Variants in TENT2 observed in about 807,000 individuals in gnomAD.
The protein encoded by TENT2 is terminal nucleotidyltransferase 2, also known as poly(A) RNA polymerase GLD2.
In TENT2, 44 loss-of-function variants were observed where a neutral mutation model predicts 72.2. That is an observed-to-expected ratio of 0.61 (90% confidence interval 0.48 to 0.78). The LOEUF (loss-of-function observed/expected upper bound fraction) is 0.78, where lower values mean the gene tolerates loss of function less well. Ranked by LOEUF, TENT2 falls within the 30% of genes least tolerant of loss-of-function variation. The pLI is 0.00. For synonymous variants in TENT2, 212 were observed against 192.5 expected (o/e 1.10, Z -0.84); for missense variants, 541 against 569.6 (o/e 0.95, Z 0.51).
intron 4 of TENT2, among the ~76,000 whole-genome samples, chr5:79,629,644 C>T (rs893943326): frequency 4.8e-5 from 7 of 146,850 alleles, no homozygotes; most frequent in East Asian, 2.0e-4. Context: ...TGGCTAACAT[C>T]GTGAAACCCC....
intron 1 of TENT2, among the ~76,000 whole-genome samples, 186 bp from the exon 2 acceptor site, chr5:79,619,426 T>C (rs1169069254): frequency 6.6e-6 from 1 of 152,212 alleles, no homozygotes; most frequent in African/African-American, 2.4e-5. Context: ...ATGTTAATCT[T>C]AGATTTGGAA....
At chr5:79,673,542 A>T (rs1561581941) in intron 12 of TENT2, among the ~76,000 whole-genome samples, 2 of 150,840 alleles carry the variant, frequency 1.3e-5, no homozygotes, top group Non-Finnish European at 2.9e-5. Flanking sequence ...CTATTTATTG[A>T]AGAGACTGTG....
intron 13 of TENT2, among the ~76,000 whole-genome samples, chr5:79,679,874 TTC>T (rs1279743576): frequency 6.6e-6 from 1 of 152,182 alleles, no homozygotes; most frequent in East Asian, 1.9e-4. Flanking sequence ...CATTCACCCT[TTC>T]TAGTTGGTAA....
intron 13 of TENT2, chr5:79,681,747 G>A (rs1822103095): frequency 3.0e-5 from 11 of 367,892 alleles, no homozygotes; most frequent in Non-Finnish European, 5.0e-5. Flanking sequence ...CTATGCTGAT[G>A]ACTTTCATTT....
At chr5:79,655,663 T>TG (rs987466779) in intron 10 of TENT2, among the ~76,000 whole-genome samples, 1 of 151,904 alleles carries the variant, frequency 6.6e-6, no homozygotes, top group African/African-American at 2.4e-5. Flanking sequence ...TCTTCTAGAA[T>TG]GTTGAGTATT....
chr5:79,669,245 G>T (rs1810979711), intron 12 of TENT2, among the ~76,000 whole-genome samples: 1 of 152,130 alleles, frequency 6.6e-6, no homozygotes, highest in African/African-American at 2.4e-5. Context: ...TATATTCTTA[G>T]CTAATAAATA....
intron 6 of TENT2, among the ~76,000 whole-genome samples, chr5:79,641,786 G>A (rs4704570): frequency 0.2 from 30,364 of 150,750 alleles, 4,509 homozygotes; most frequent in African/African-American, 0.42. Flanking sequence ...AAATGCTTGG[G>A]ACTAGAGTTT....
At chr5:79,670,671 A>T (rs1362706291) in intron 12 of TENT2, among the ~76,000 whole-genome samples, 1 of 151,684 alleles carries the variant, frequency 6.6e-6, no homozygotes, top group African/African-American at 2.4e-5. Context: ...AGACTGGATG[A>T]GACATAGTAC....
intron 12 of TENT2, among the ~76,000 whole-genome samples, chr5:79,677,432 A>G (rs1394740075): frequency 6.6e-6 from 1 of 152,224 alleles, no homozygotes; most frequent in African/African-American, 2.4e-5. Context: ...TTTAATAGAA[A>G]TACAGTGGTA....
chr5:79,660,153 A>G (rs990883541), intron 11 of TENT2, among the ~76,000 whole-genome samples: 2 of 152,252 alleles, frequency 1.3e-5, no homozygotes, highest in East Asian at 3.9e-4. Context: ...TAAAATTGGT[A>G]TATTTCAGTT....
At position 79,668,982 on chromosome 5, in the gene TENT2, G is replaced by A; in HGVS notation, c.1162G>A (p.Gly388Arg). 2 of 1,613,672 alleles carry A rather than the reference G, an allele frequency of 1.2e-6. No homozygotes were observed. The highest frequency in any genetic ancestry group is 1.7e-6 in the Non-Finnish European group (2 of 1,179,820). Residue 388 changes from glycine to arginine, a missense_variant, in exon 12 of 15, where the codon GGG becomes AGG. Gly to Arg is a moderately radical substitution (Grantham distance 125). Coordinates refer to ENST00000453514, the MANE Select transcript of TENT2 (RefSeq NM_001114394.3). ...CCTCTCAAAGAATGAATCAAACCTTGGGGACCTCTTACTGGGCTTTCTTAA... is the reference window on the plus strand; with the variant it reads ...CCTCTCAAAGAATGAATCAAACCTTAGGGACCTCTTACTGGGCTTTCTTAA... ...PYLSKNESNLGDLLLGFLKYY... is the reference protein window; with the variant it reads ...PYLSKNESNLRDLLLGFLKYY...
At chr5:79,614,380 G>A (rs1459898981) in intron 1 of TENT2, among the ~76,000 whole-genome samples, 1 of 152,152 alleles carries the variant, frequency 6.6e-6, no homozygotes, top group Non-Finnish European at 1.5e-5. Flanking sequence ...TGGGATTACA[G>A]GCGTGAGCCA....
At chr5:79,643,051 T>C (rs1561509558) in intron 7 of TENT2, 141 bp downstream of exon 7, 2 of 1,169,500 alleles carry the variant, frequency 1.7e-6, no homozygotes, top group Non-Finnish European at 2.2e-6. Flanking sequence ...TGAATTTCTT[T>C]TAACTTTTGA....
chr5:79,643,175 CAA>C (rs886484075), intron 7 of TENT2, among the ~76,000 whole-genome samples: 1 of 151,980 alleles, frequency 6.6e-6, no homozygotes, highest in African/African-American at 2.4e-5. Flanking sequence ...TTCTTTTTCT[CAA>C]AAGTTTATAG....
chr5:79,618,703 G>A (rs574015953), intron 1 of TENT2, among the ~76,000 whole-genome samples: 2 of 152,134 alleles, frequency 1.3e-5, no homozygotes, highest in East Asian at 1.9e-4. Context: ...AATATCAGGA[G>A]TCTAATTAGA....
chr5:79,669,377 TA>T (rs1299732983), intron 12 of TENT2, among the ~76,000 whole-genome samples: 1 of 152,134 alleles, frequency 6.6e-6, no homozygotes, highest in Non-Finnish European at 1.5e-5. Context: ...AAATGTATAG[TA>T]AAAAAACACT....
intron 11 of TENT2, among the ~76,000 whole-genome samples, chr5:79,658,299 A>C (rs1052592778): frequency 7.9e-5 from 12 of 152,138 alleles, no homozygotes; most frequent in African/African-American, 2.7e-4. Flanking sequence ...GAAAGAAAGA[A>C]CAGAAATAGA....
intron 8 of TENT2, among the ~76,000 whole-genome samples, chr5:79,647,523 A>C (rs1790089832): frequency 6.6e-6 from 1 of 152,312 alleles, no homozygotes. Context: ...ATAACGTATA[A>C]TATCTGAAGT....
In TENT2 at chr5:79,686,664, T is replaced by C. The variant is rs1017949939; in HGVS notation, c.*1391T>C. ...GGACATTGTTGAGGTGCCTTTTTTT[T>C]CTGTGAAAATCTTTGCTTTGAGATG... On this transcript the variant is annotated 3_prime_UTR_variant, in exon 15 of 15. Coordinates refer to ENST00000453514, the MANE Select transcript of TENT2 (RefSeq NM_001114394.3). The C allele has an allele frequency of 6.6e-6, 1 of 152,166 alleles. No homozygotes were observed. 9.4% of individuals were successfully genotyped at this position (152,166 alleles called of 1,614,324 possible).
Sources: gnomAD v4.1 joint callset for allele counts (sites outside exome capture counted in the v4.1 genomes callset) on GRCh38, gnomAD v4.1.1 for gene constraint, MANE v1.5 for transcripts, NCBI Gene and HGNC (gene_info 2026-07-23, HGNC 2026-07-21) for gene names.